The following MTR variants were observed in gnomAD, a reference collection of about 807,000 sequenced individuals.
MTR encodes methionine synthase.
Under a neutral mutation model 154.8 loss-of-function variants are expected in MTR, and 84 were observed. The observed-to-expected ratio is 0.54, with a 90% CI of 0.45 to 0.65. The LOEUF (loss-of-function observed/expected upper bound fraction) is 0.65, where lower values mean the gene tolerates loss of function less well. Among genes scored for constraint, MTR ranks in the 30% least tolerant of loss-of-function variants. The probability of loss-of-function intolerance (pLI) is 0.00; values close to 1 mark genes in which losing one functional copy is unlikely to be tolerated. For synonymous variants in MTR, 554 were observed against 553.9 expected, an observed-to-expected ratio of 1.00 and a Z score of 0.00; for missense variants, 1,275 against 1,570.2, an observed-to-expected ratio of 0.81 and a Z score of 3.18.
chr1:236,808,771 C>T lies in MTR; in HGVS notation c.407C>T (p.Thr136Ile). The change falls in exon 4 of 33, where the codon ACA becomes ATA. Residue 136 changes from threonine to isoleucine, a missense_variant and splice_region_variant. Physicochemically the swap from Thr to Ile is moderately conservative, Grantham distance 89. Transcript: ENST00000366577. ...RKAAEEVTLQ[T>I]GIKRFVAGAL... ...GCTGCCGAGGAGGTAACTCTCCAGA[C>T]AGGTAGGGAATGTTCTTCTCTTTTT... 6.2e-7 allele frequency: 1 copy of T among 1,614,018 alleles called. No homozygotes were observed. The highest frequency in any genetic ancestry group is 8.5e-7 in the Non-Finnish European group (1 of 1,179,884).
intron 16 of MTR, among the ~76,000 whole-genome samples, chr1:236,850,988 T>C (rs1455314280): frequency 6.6e-6 from 1 of 152,218 alleles, no homozygotes; most frequent in Non-Finnish European, 1.5e-5. Flanking sequence ...TTTTATAAAG[T>C]AGCTATTGTC....
chr1:236,814,935 T>C (rs1220031318), intron 6 of MTR, among the ~76,000 whole-genome samples: 1 of 152,252 alleles, frequency 6.6e-6, no homozygotes, highest in Non-Finnish European at 1.5e-5. Context: ...GGTTGCATTC[T>C]GATTTCAGAG....
In MTR at chr1:236,899,364, C is replaced by T. The variant is rs1408349182; in HGVS notation, c.*1720C>T. ...AACAAAATAAGGGCCTAGAAACTCA[C>T]CCGTGCATATGTTGACCTTTGCAAA... On this transcript the variant is annotated 3_prime_UTR_variant, in exon 33 of 33. Transcript: ENST00000366577. The T allele has an allele frequency of 6.6e-6, 1 of 152,200 alleles. No individual in the cohort carries two copies. Among genetic ancestry groups the T allele is most frequent in the Non-Finnish European group, 1.5e-5 (1 of 68,048 alleles). The allele number at this position is 152,200 out of a possible 1,614,324, so 9.4% of individuals were successfully genotyped here.
At chr1:236,844,453 CGTGTGTGT>C (rs58179715) in intron 15 of MTR, among the ~76,000 whole-genome samples, 8,248 of 145,250 alleles carry the variant, frequency 0.057, 290 homozygotes, top group African/African-American at 0.096. Flanking sequence ...TCAGAAAGGG[CGTGTGTGT>C]GTGTGTGTGT....
At position 236,894,468 on chromosome 1, in the gene MTR, G is replaced by A; in HGVS notation, c.3316G>A (p.Gly1106Arg). 1 of 1,614,126 alleles carries A rather than the reference G, an allele frequency of 6.2e-7. No individual in the cohort carries two copies. The highest frequency in any genetic ancestry group is 8.5e-7 in the Non-Finnish European group (1 of 1,180,030). The change falls in exon 30 of 33, where the codon GGG becomes AGG. Residue 1106 changes from glycine to arginine, a missense_variant. Physicochemically the swap from Gly to Arg is moderately radical, Grantham distance 125 (BLOSUM62 -2). Coordinates refer to ENST00000366577, the MANE Select transcript of MTR (RefSeq NM_000254.3). ...GGGCCTGTTTGCCGTTGCCTGCTTT[G>A]GGGTAGAAGAGCTGAGCAAGGCCTA... ...YLGLFAVACF[G>R]VEELSKAYED...
intron 12 of MTR, among the ~76,000 whole-genome samples, chr1:236,831,552 C>T (rs554551223): frequency 2.6e-5 from 4 of 152,294 alleles, no homozygotes; most frequent in Admixed American, 2.6e-4. Flanking sequence ...AAGCTTACTC[C>T]ATATAGCTTT....
At position 236,838,311 on chromosome 1, in the gene MTR, A is replaced by T; in HGVS notation, c.1330-103A>T. The T allele has an allele frequency of 3.1e-5, 37 of 1,212,964 alleles. No homozygotes were observed. In the Admixed American group the frequency reaches 3.4e-4, roughly 11 times the overall value. The allele number at this position is 1,212,964 out of a possible 1,614,324, so 75.1% of individuals were successfully genotyped here. ...TCTGACATACTACTATTTTTTGTTT[A>T]TTGTTTTGCTAAAGAAGAAATAGGG... On this transcript the variant is annotated intron_variant, in intron 14 of 32. Transcript: ENST00000366577.
intron 18 of MTR, among the ~76,000 whole-genome samples, chr1:236,858,802 G>A (rs1664354617): frequency 6.6e-6 from 1 of 152,190 alleles, no homozygotes; most frequent in Admixed American, 6.5e-5. Context: ...ACCTCCAGTT[G>A]AGGTGGAGAA....
Position 236,853,033 on chromosome 1 carries a change from A to G in MTR, c.1898A>G (p.Asp633Gly). 1 of 1,614,044 alleles carries G rather than the reference A, an allele frequency of 6.2e-7. No individual in the cohort carries two copies. The highest frequency in any genetic ancestry group is 8.5e-7 in the Non-Finnish European group (1 of 1,179,956). ...AAGGAACTTCTGCAGCTCTGTGAAG[A>G]TCTCATCTGGAATAAAGACCCTGAG... ...IHKELLQLCE[D>G]LIWNKDPEAT... is the part of the protein sequence containing the mutation. The change falls in exon 18 of 33, where the codon GAT becomes GGT. Residue 633 changes from aspartate (D) to glycine (G), a missense_variant. Coordinates refer to ENST00000366577, the MANE Select transcript of MTR (RefSeq NM_000254.3).
At chr1:236,892,640 C>T (rs1666392030) in intron 29 of MTR, among the ~76,000 whole-genome samples, 1 of 152,322 alleles carries the variant, frequency 6.6e-6, no homozygotes, top group Admixed American at 6.5e-5. Flanking sequence ...TACATCCTTA[C>T]CATATGCACT....
intron 14 of MTR, 52 bp downstream of exon 14, chr1:236,835,739 C>T (rs1662870577): frequency 6.2e-7 from 1 of 1,608,268 alleles, no homozygotes; most frequent in South Asian, 1.1e-5. Context: ...CACTTTGACA[C>T]TCATTTAACC....
At chr1:236,826,545 C>T (rs889103334) in intron 10 of MTR, among the ~76,000 whole-genome samples, 1 of 152,218 alleles carries the variant, frequency 6.6e-6, no homozygotes, top group South Asian at 2.1e-4. Context: ...ATCCTCCTGC[C>T]TTTGCCTCCC....
chr1:236,800,568 A>G, intron 1 of MTR: 1 of 815,720 alleles, frequency 1.2e-6, no homozygotes, highest in Non-Finnish European at 1.5e-6. Context: ...CTTTCACTCG[A>G]CTGTTAGAAG....
At chr1:236,860,133 C>T (rs1333972760) in intron 19 of MTR, among the ~76,000 whole-genome samples, 4 of 121,996 alleles carry the variant, frequency 3.3e-5, no homozygotes, top group South Asian at 5.6e-4. Flanking sequence ...TTTTGATTGT[C>T]GTAACTGTGC....
intron 29 of MTR, 121 bp downstream of exon 29, chr1:236,891,450 C>A: frequency 9.5e-7 from 1 of 1,056,216 alleles, no homozygotes; most frequent in Non-Finnish European, 1.4e-6. Context: ...AATCACATGC[C>A]CAAGAAGTGA....
At chr1:236,853,992 A>T (rs1003202698) in intron 18 of MTR, among the ~76,000 whole-genome samples, 2 of 152,206 alleles carry the variant, frequency 1.3e-5, no homozygotes, top group African/African-American at 4.8e-5. Context: ...ATGGCAAAGG[A>T]AGATATTTTT....
At chr1:236,859,556 G>T (rs1216079605) in intron 18 of MTR, among the ~76,000 whole-genome samples, 1 of 152,072 alleles carries the variant, frequency 6.6e-6, no homozygotes, top group Non-Finnish European at 1.5e-5. Flanking sequence ...TGGAAATTTT[G>T]TGTTGAGTTG....
intron 18 of MTR, among the ~76,000 whole-genome samples, chr1:236,854,549 C>T (rs530943826): frequency 2.0e-5 from 3 of 152,222 alleles, no homozygotes; most frequent in Admixed American, 2.0e-4. Flanking sequence ...AGTAGGGGGT[C>T]CTTCATTAAT....
chr1:236,882,639 C>T (rs1019259468), intron 25 of MTR, among the ~76,000 whole-genome samples: 1 of 152,102 alleles, frequency 6.6e-6, no homozygotes, highest in South Asian at 2.1e-4. Flanking sequence ...GTGATCCACC[C>T]GCCTCGGCTT....
Sources: gnomAD v4.1 joint callset for allele counts (sites outside exome capture counted in the v4.1 genomes callset) on GRCh38, gnomAD v4.1.1 for gene constraint, MANE v1.5 for transcripts, NCBI Gene and HGNC (gene_info 2026-07-23, HGNC 2026-07-21) for gene names.